The following WDR93 variants were observed in gnomAD, a reference collection of about 807,000 sequenced individuals.
WDR93 encodes WD repeat domain 93.
In WDR93, 73 loss-of-function variants were observed where a neutral mutation model predicts 82.9. That is an observed-to-expected ratio of 0.88 (90% CI 0.73 to 1.07). The LOEUF is 1.07. Among genes scored for constraint, WDR93 ranks in the 50% least tolerant of loss-of-function variants. The pLI, the probability that WDR93 is intolerant of heterozygous loss-of-function variation, is 0.00. For missense variants in WDR93, 738 were observed against 826.0 expected, an observed-to-expected ratio of 0.89 and a Z score of 1.31; for synonymous variants, 283 against 300.1, an observed-to-expected ratio of 0.94 and a Z score of 0.59.
In WDR93 at chr15:89,733,090, G is replaced by A. The variant is rs182596142; in HGVS notation, c.1415G>A (p.Gly472Glu). 3.7e-6 allele frequency: 6 copies of A among 1,614,044 alleles called. No homozygotes were observed. Among genetic ancestry groups the A allele is most frequent in the Non-Finnish European group, 5.1e-6 (6 of 1,180,038 alleles). Residue 472 changes from glycine (G) to glutamate (E), a missense_variant, in exon 13 of 17, where the codon GGA becomes GAA. By Grantham distance (98) the Gly-to-Glu change is moderately conservative. Coordinates refer to ENST00000268130, the MANE Select transcript of WDR93 (RefSeq NM_020212.2). The part of the protein sequence containing the change: ...HFLKYFSVHK[G>E]QNMYPEGQVK... The stretch of plus-strand genomic sequence containing the variant: ...CTAAAATATTTCTCGGTCCACAAAG[G>A]ACAGAATATGTATCCTGAAGGTCAA...
At position 89,715,084 on chromosome 15, in the gene WDR93, C is replaced by T; in HGVS notation, c.745C>T (p.Gln249Ter). The T allele has an allele frequency of 6.2e-7, 1 of 1,613,712 alleles. No homozygotes were observed. Among genetic ancestry groups the T allele is most frequent in the Non-Finnish European group, 8.5e-7 (1 of 1,179,850 alleles). The change falls in exon 6 of 17, where the codon CAG (glutamine) becomes TAG (stop). Residue 249 changes from glutamine (Q) to a stop codon, truncating the protein, a stop_gained. Transcript: ENST00000268130. LOFTEE classifies it high-confidence loss of function. ...LTSNPKKKVR[Q>*]PQLNSLGPIS... ...TTCAAATCCAAAGAAAAAAGTCAGACAGCCGCAACTGGTAGGAAATATCTC... is the reference window on the plus strand; with the variant it reads ...TTCAAATCCAAAGAAAAAAGTCAGATAGCCGCAACTGGTAGGAAATATCTC...
intron 1 of WDR93, among the ~76,000 whole-genome samples, chr15:89,698,863 A>G (rs1010135986): frequency 2.6e-5 from 4 of 152,004 alleles, no homozygotes; most frequent in Non-Finnish European, 2.9e-5. Context: ...GTAAATTTCT[A>G]TTTCCACCTG....
chr15:89,699,947 A>G (rs1965375329), intron 1 of WDR93, among the ~76,000 whole-genome samples: 1 of 151,956 alleles, frequency 6.6e-6, no homozygotes, highest in African/African-American at 2.4e-5. Flanking sequence ...TATGGCTTAT[A>G]TTTTCTTGCC....
chr15:89,706,250 G>A (rs993133144), intron 4 of WDR93, among the ~76,000 whole-genome samples: 2 of 152,034 alleles, frequency 1.3e-5, no homozygotes, highest in Non-Finnish European at 1.5e-5. Context: ...CTACAATACT[G>A]TAAGTTCTCA....
chr15:89,743,101 A>G (rs938057948), intron 16 of WDR93, among the ~76,000 whole-genome samples, 191 bp from the exon 17 acceptor site: 3 of 152,188 alleles, frequency 2.0e-5, no homozygotes, highest in African/African-American at 4.8e-5. Context: ...TGCTAGACCC[A>G]TCATTCCTCC....
chr15:89,733,235 G>A lies in WDR93; in HGVS notation c.1544+16G>A, dbSNP rs756900327. On this transcript the variant is annotated intron_variant, in intron 13 of 16. Coordinates refer to ENST00000268130, the MANE Select transcript of WDR93 (RefSeq NM_020212.2). Reference sequence around the variant, plus strand: ...TTGTTGAGAGGTCAGTAGCTTGAGGGTGGGACGGGGTAAATAATTGGCCAG... The same window carrying A: ...TTGTTGAGAGGTCAGTAGCTTGAGGATGGGACGGGGTAAATAATTGGCCAG... The A allele has an allele frequency of 6.2e-7, 1 of 1,605,626 alleles. No individual in the cohort carries two copies. Among genetic ancestry groups the A allele is most frequent in the Non-Finnish European group, 8.5e-7 (1 of 1,174,372 alleles).
chr15:89,734,018 C>T (rs74032477), intron 13 of WDR93, among the ~76,000 whole-genome samples: 1,763 of 151,926 alleles, frequency 0.012, 27 homozygotes, highest in African/African-American at 0.038. Flanking sequence ...TGTGTGCGCG[C>T]GCGCATGTGT....
intron 12 of WDR93, among the ~76,000 whole-genome samples, chr15:89,732,116 C>T (rs1042310961): frequency 6.6e-6 from 1 of 152,170 alleles, no homozygotes; most frequent in South Asian, 2.1e-4. Context: ...GATATTGCTT[C>T]CTAAATTCGT....
chr15:89,717,037 T>TTTTC (rs1216312684), intron 7 of WDR93, 88 bp downstream of exon 7: 3 of 674,666 alleles, frequency 4.4e-6, no homozygotes, highest in Admixed American at 4.1e-5. Flanking sequence ...TTTCTTTTCT[T>TTTTC]TTTCTTTCTT....
chr15:89,712,952 C>T (rs1451912731), intron 5 of WDR93, among the ~76,000 whole-genome samples: 1 of 151,832 alleles, frequency 6.6e-6, no homozygotes, highest in East Asian at 1.9e-4. Flanking sequence ...TGGTGAAACC[C>T]GTCTCTACTA....
At chr15:89,711,119 T>G (rs1965955766) in intron 4 of WDR93, among the ~76,000 whole-genome samples, 1 of 152,168 alleles carries the variant, frequency 6.6e-6, no homozygotes, top group African/African-American at 2.4e-5. Flanking sequence ...ATTATGAGCC[T>G]CCTGATATGA....
intron 1 of WDR93, 79 bp from the exon 2 acceptor site, chr15:89,701,628 T>C (rs1292009004): frequency 7.3e-6 from 9 of 1,237,370 alleles, no homozygotes; most frequent in Non-Finnish European, 1.0e-5. Flanking sequence ...CTATAGGCTA[T>C]TGTGCTAGAA....
chr15:89,705,252 A>G, intron 3 of WDR93: 1 of 367,702 alleles, frequency 2.7e-6, no homozygotes, highest in Non-Finnish European at 5.0e-6. Context: ...GGTGTGCTCA[A>G]TCAGGCAGAT....
chr15:89,717,791 A>G (rs148359977), intron 7 of WDR93, among the ~76,000 whole-genome samples: 1 of 152,162 alleles, frequency 6.6e-6, no homozygotes, highest in East Asian at 1.9e-4. Flanking sequence ...AGAGGGTCCT[A>G]TGAATCCTGG....
chr15:89,741,784 G>A (rs189671202), intron 16 of WDR93, among the ~76,000 whole-genome samples: 8 of 150,634 alleles, frequency 5.3e-5, no homozygotes, highest in African/African-American at 1.7e-4. Context: ...ATGGAGTCTC[G>A]CTCTGTCGCC....
At chr15:89,730,022 A>C (rs1966846017) in intron 11 of WDR93, among the ~76,000 whole-genome samples, 1 of 152,174 alleles carries the variant, frequency 6.6e-6, no homozygotes, top group Non-Finnish European at 1.5e-5. Flanking sequence ...TAAGCAGCTA[A>C]GGTAAAAAGA....
chr15:89,701,625 C>G, intron 1 of WDR93, 82 bp from the exon 2 acceptor site: 2 of 1,197,070 alleles, frequency 1.7e-6, no homozygotes, highest in Non-Finnish European at 2.3e-6. Context: ...TCCCTATAGG[C>G]TATTGTGCTA....
In WDR93 at chr15:89,727,194, G is replaced by C; in HGVS notation, c.918G>C (p.Lys306Asn). The change falls in exon 9 of 17, where the codon AAG becomes AAC. Residue 306 changes from lysine (K) to asparagine (N), a missense_variant. Lys to Asn is a moderately conservative substitution (Grantham distance 94, BLOSUM62 0). Coordinates refer to ENST00000268130, the MANE Select transcript of WDR93 (RefSeq NM_020212.2). ...TFKSPLEVFA[K>N]IKDCYGLGSG... ...AAAGCCCCCTGGAAGTCTTTGCAAA[G>C]ATCAAGGACTGCTACGGACTGGGCT... 6.2e-7 allele frequency: 1 copy of C among 1,614,130 alleles called. No individual in the cohort carries two copies. The highest frequency in any genetic ancestry group is 8.5e-7 in the Non-Finnish European group (1 of 1,179,980).
chr15:89,737,833 C>T, intron 15 of WDR93, 104 bp downstream of exon 15: 2 of 1,515,712 alleles, frequency 1.3e-6, no homozygotes, highest in African/African-American at 2.8e-5. Context: ...CTGTGTCCCC[C>T]TCTACCATAG....
Sources: gnomAD v4.1 joint callset for allele counts (sites outside exome capture counted in the v4.1 genomes callset) on GRCh38, gnomAD v4.1.1 for gene constraint, MANE v1.5 for transcripts, NCBI Gene and HGNC (gene_info 2026-07-23, HGNC 2026-07-21) for gene names.